TSHZ3: variants seen among roughly 807,000 people sequenced by gnomAD.
The protein encoded by TSHZ3 is teashirt zinc finger homeobox 3.
Under a neutral mutation model 64.5 loss-of-function variants are expected in TSHZ3, and 10 were observed. The ratio of observed to expected loss-of-function variants is 0.16; its 90% CI spans 0.10 to 0.26. The LOEUF is 0.26. Among genes scored for constraint, TSHZ3 ranks in the 10% least tolerant of loss-of-function variants. The pLI is 1.00. For synonymous variants in TSHZ3, 608 were observed against 593.1 expected (o/e 1.03, Z -0.36); for missense variants, 1,242 against 1,421.7 (o/e 0.87, Z 2.03).
At chr19:31,196,029 T>C (rs1185170459) in intron 5 of TSHZ3, among the ~76,000 whole-genome samples, 1 of 151,900 alleles carries the variant, frequency 6.6e-6, no homozygotes, top group Admixed American at 6.6e-5. Context: ...AGCAATACAG[T>C]ATTATAATAT....
In TSHZ3 at chr19:31,321,568, C is replaced by T. The variant is rs903881056; in HGVS notation, c.40+27612G>A. Among the ~76,000 whole-genome samples the T allele has an allele frequency of 8.5e-5, 13 of 152,184 alleles. No homozygotes were observed. In the East Asian group the frequency reaches 1.2e-3, roughly 14 times the overall value. On this transcript the variant is annotated intron_variant, in intron 1 of 1. Coordinates refer to ENST00000240587, the MANE Select transcript of TSHZ3 (RefSeq NM_020856.4). ...ATACGGCAGACTCACGCCAGGTTAA[C>T]GCAAGGGGCCTGGCCACAATCAGGC...
intron 5 of TSHZ3, among the ~76,000 whole-genome samples, chr19:31,170,369 C>T (rs923647161): frequency 6.6e-6 from 1 of 152,142 alleles, no homozygotes; most frequent in Non-Finnish European, 1.5e-5. Flanking sequence ...CCCTCATTAC[C>T]TTATCTAAAC....
chr19:31,218,376 G>A (rs1187299510), intron 4 of TSHZ3, among the ~76,000 whole-genome samples: 1 of 152,168 alleles, frequency 6.6e-6, no homozygotes, highest in Admixed American at 6.5e-5. Flanking sequence ...TATTAGCATG[G>A]CTGAAATTGA....
chr19:31,171,422 G>A (rs1213280415), intron 5 of TSHZ3, among the ~76,000 whole-genome samples: 2 of 152,096 alleles, frequency 1.3e-5, no homozygotes, highest in Non-Finnish European at 2.9e-5. Flanking sequence ...GGTTTATATA[G>A]CAGGGAAGAA....
intron 5 of TSHZ3, among the ~76,000 whole-genome samples, chr19:31,186,688 C>A (rs1974814994): frequency 6.6e-6 from 1 of 152,190 alleles, no homozygotes; most frequent in African/African-American, 2.4e-5. Context: ...TGTAAGAGAG[C>A]TCTGCAACCT....
intron 1 of TSHZ3, among the ~76,000 whole-genome samples, chr19:31,337,011 C>CTTTTTTTTTTTT (rs1429929065): frequency 9.3e-6 from 1 of 107,656 alleles, no homozygotes; most frequent in African/African-American, 3.5e-5. Flanking sequence ...TTCTTTTTTT[C>CTTTTTTTTTTTT]TATTTTTTTT....
At position 31,275,587 on chromosome 19, in the gene TSHZ3, T is replaced by C. The variant is rs1338084831; in HGVS notation, c.*960A>G. 1 of 152,612 alleles carries C rather than the reference T, an allele frequency of 6.6e-6. No individual in the cohort carries two copies. The highest frequency in any genetic ancestry group is 2.4e-5 in the African/African-American group (1 of 41,446). 9.5% of individuals were successfully genotyped at this position (152,612 alleles called of 1,614,324 possible). On this transcript the variant is annotated 3_prime_UTR_variant, in exon 2 of 2. Transcript: ENST00000240587. ...GCCAGGGATGTCTTTCCCGGTCTCG[T>C]TTATTCAGACTGCTCAAAACAAATG...
chr19:31,295,153 A>G (rs75008843), intron 1 of TSHZ3, among the ~76,000 whole-genome samples: 1,693 of 152,336 alleles, frequency 0.011, 15 homozygotes, highest in Admixed American at 0.019. Flanking sequence ...ACTCACAAGG[A>G]CGATAAGACA....
At chr19:31,154,939 C>T (rs1024449589) in intron 6 of TSHZ3, among the ~76,000 whole-genome samples, 2 of 152,242 alleles carry the variant, frequency 1.3e-5, no homozygotes, top group Non-Finnish European at 2.9e-5. Flanking sequence ...GTCCTCATGG[C>T]CGTGGTGTCC....
chr19:31,209,428 G>T (rs1975231294), intron 4 of TSHZ3, among the ~76,000 whole-genome samples: 1 of 152,184 alleles, frequency 6.6e-6, no homozygotes, highest in Admixed American at 6.5e-5. Context: ...ATCTGGGTTT[G>T]AATTCTGGCT....
At chr19:31,209,061 C>G (rs1157686879) in intron 4 of TSHZ3, among the ~76,000 whole-genome samples, 8 of 152,124 alleles carry the variant, frequency 5.3e-5, no homozygotes, top group African/African-American at 1.9e-4. Context: ...CCCAGTTTGC[C>G]AGACGCCAGG....
At chr19:31,221,557 T>C (rs1975394896) in intron 4 of TSHZ3, among the ~76,000 whole-genome samples, 1 of 152,210 alleles carries the variant, frequency 6.6e-6, no homozygotes, top group Non-Finnish European at 1.5e-5. Flanking sequence ...ATCTGAAGGT[T>C]AGCTGGGCAC....
intron 5 of TSHZ3, among the ~76,000 whole-genome samples, chr19:31,175,569 G>A (rs902602669): frequency 1.3e-5 from 2 of 152,224 alleles, no homozygotes; most frequent in Non-Finnish European, 2.9e-5. Context: ...TTGGGTCTCA[G>A]AGGCTGGCAC....
chr19:31,161,472 T>G (rs1974373161), intron 5 of TSHZ3, among the ~76,000 whole-genome samples: 2 of 152,250 alleles, frequency 1.3e-5, no homozygotes, highest in African/African-American at 2.4e-5. Context: ...TCACCAGTTT[T>G]GGAGATATGG....
intron 4 of TSHZ3, among the ~76,000 whole-genome samples, chr19:31,210,042 T>G (rs1975243527): frequency 6.6e-6 from 1 of 152,054 alleles, no homozygotes; most frequent in South Asian, 2.1e-4. Flanking sequence ...ACACTTCATT[T>G]GAGAGTTAGT....
chr19:31,175,760 G>A (rs1458484202), intron 5 of TSHZ3, among the ~76,000 whole-genome samples: 1 of 152,246 alleles, frequency 6.6e-6, no homozygotes, highest in African/African-American at 2.4e-5. Flanking sequence ...TCTGAGTGGA[G>A]GCGGCCAGTG....
At chr19:31,267,651 T>C (rs1257476226) in intron 1 of TSHZ3, among the ~76,000 whole-genome samples, 1 of 152,124 alleles carries the variant, frequency 6.6e-6, no homozygotes, top group African/African-American at 2.4e-5. Context: ...AAGCCCATTT[T>C]TTTTTTCCTG....
intron 5 of TSHZ3, among the ~76,000 whole-genome samples, chr19:31,174,729 A>G (rs1430811044): frequency 6.6e-6 from 1 of 152,188 alleles, no homozygotes; most frequent in African/African-American, 2.4e-5. Flanking sequence ...TCTAGGAGAG[A>G]GAGGCATGGA....
chr19:31,321,738 T>C (rs777866575), intron 1 of TSHZ3, among the ~76,000 whole-genome samples: 13 of 152,152 alleles, frequency 8.5e-5, no homozygotes, highest in Non-Finnish European at 1.9e-4. Flanking sequence ...AGAAAGAAGG[T>C]AGTGCTTAAT....
Sources: gnomAD v4.1 joint callset for allele counts (sites outside exome capture counted in the v4.1 genomes callset) on GRCh38, gnomAD v4.1.1 for gene constraint, MANE v1.5 for transcripts, NCBI Gene and HGNC (gene_info 2026-07-23, HGNC 2026-07-21) for gene names.